Variants in GPHN observed in about 807,000 individuals in gnomAD.
GPHN encodes gephyrin.
In GPHN, 17 loss-of-function variants were observed where a neutral mutation model predicts 95.5. That is an observed-to-expected ratio of 0.18 (90% CI 0.12 to 0.27). The LOEUF is 0.27. GPHN is among the 10% of genes least tolerant of loss of function. The probability of loss-of-function intolerance (pLI) is 1.00; values close to 1 mark genes in which losing one functional copy is unlikely to be tolerated. For missense variants in GPHN, 660 were observed against 978.1 expected (o/e 0.67, Z 4.34); for synonymous variants, 320 against 322.5 (o/e 0.99, Z 0.08).
At chr14:67,167,703 A>T (rs7144993) in intron 20 of GPHN, among the ~76,000 whole-genome samples, 1 of 152,320 alleles carries the variant, frequency 6.6e-6, no homozygotes, top group South Asian at 2.1e-4. Context: ...TTATACATTC[A>T]TGCTTACATA....
At chr14:67,316,805 A>G in the GPHN span, 1 of 1,582,292 alleles carries the variant, frequency 6.3e-7, no homozygotes, top group Non-Finnish European at 8.6e-7. Flanking sequence ...TAAATATTTT[A>G]CCCTTCTTTT....
At chr14:66,661,927 T>C (rs1292996873) in intron 1 of GPHN, among the ~76,000 whole-genome samples, 1 of 152,052 alleles carries the variant, frequency 6.6e-6, no homozygotes, top group Non-Finnish European at 1.5e-5. Flanking sequence ...CCTTAAGCAG[T>C]CCCCGATCTA....
rs535587671 is a variant in GPHN at position 67,089,029 on chromosome 14, T to C, written c.1191T>C (p.Asn397=). The change falls in exon 12 of 23, where the codon AAT becomes AAC. Residue 397 remains asparagine, a synonymous_variant. Transcript: ENST00000478722. ...CTCAAGATGTATATGCAAAAGACAA[T>C]TTACCCCCCTTCCCAGCATCAGTAA... is the stretch of plus-strand genomic sequence containing the variant. ...VLAQDVYAKD[N]LPPFPASVKD... The C allele has an allele frequency of 6.2e-7, 1 of 1,606,610 alleles. No homozygotes were observed. Among genetic ancestry groups the C allele is most frequent in the Admixed American group, 1.7e-5 (1 of 59,968 alleles).
intron 16 of GPHN, 82 bp downstream of exon 16, chr14:67,113,253 A>T: frequency 8.2e-7 from 1 of 1,212,710 alleles, no homozygotes; most frequent in Middle Eastern, 2.0e-4. Context: ...TGTTGTAAAT[A>T]GAATGTTGTA....
chr14:67,569,448 G>A, the GPHN span, among the ~76,000 whole-genome samples: 1 of 152,244 alleles, frequency 6.6e-6, no homozygotes, highest in Non-Finnish European at 1.5e-5. Context: ...AGAGCTGGAA[G>A]GGATCTGAGA....
At chr14:66,529,949 C>G (rs185470413) in intron 1 of GPHN, among the ~76,000 whole-genome samples, 49 of 152,336 alleles carry the variant, frequency 3.2e-4, no homozygotes, top group Non-Finnish European at 6.2e-4. Context: ...TTGAGGCCGT[C>G]TGTCCCTTAG....
At chr14:67,027,458 G>A (rs1032109900) in intron 10 of GPHN, among the ~76,000 whole-genome samples, 2 of 152,046 alleles carry the variant, frequency 1.3e-5, no homozygotes, top group Non-Finnish European at 2.9e-5. Flanking sequence ...AGCCTCCTGA[G>A]TAGCTGGGAC....
At chr14:67,109,183 T>G (rs983755467) in intron 13 of GPHN, among the ~76,000 whole-genome samples, 1 of 152,224 alleles carries the variant, frequency 6.6e-6, no homozygotes, top group Non-Finnish European at 1.5e-5. Flanking sequence ...CCATCATATA[T>G]GCAGTCCAAC....
At chr14:66,748,852 A>G (rs1014694140) in intron 2 of GPHN, among the ~76,000 whole-genome samples, 47 of 151,994 alleles carry the variant, frequency 3.1e-4, no homozygotes, top group African/African-American at 1.1e-3. Context: ...AAAGATGTCA[A>G]GTGTGGAATT....
At chr14:67,424,687 T>C in the GPHN span, among the ~76,000 whole-genome samples, 6 of 151,860 alleles carry the variant, frequency 4.0e-5, no homozygotes, top group South Asian at 1.3e-3. Flanking sequence ...CATCCGGCAT[T>C]CTCCCTGGTC....
At chr14:67,606,484 C>T in the GPHN span, among the ~76,000 whole-genome samples, 2 of 152,124 alleles carry the variant, frequency 1.3e-5, no homozygotes, top group African/African-American at 4.8e-5. Flanking sequence ...ATAGGTTTTA[C>T]AAATAGATTC....
At chr14:67,583,484 G>A in the GPHN span, among the ~76,000 whole-genome samples, 33 of 152,304 alleles carry the variant, frequency 2.2e-4, no homozygotes, top group African/African-American at 7.2e-4. Context: ...CCAATTAACT[G>A]TGTCTTTGGA....
downstream of GPHN, among the ~76,000 whole-genome samples, chr14:67,185,320 T>C (rs1232237619): frequency 2.0e-5 from 3 of 152,104 alleles, no homozygotes; most frequent in Non-Finnish European, 4.4e-5. Context: ...CCAATGTGGC[T>C]GGGAAAGAAA....
chr14:66,934,132 C>G (rs1472060350), intron 8 of GPHN, among the ~76,000 whole-genome samples: 1 of 120,626 alleles, frequency 8.3e-6, no homozygotes, highest in Non-Finnish European at 1.5e-5. Flanking sequence ...GAGCAAGACT[C>G]TGTCTCAAAA....
At chr14:67,360,032 G>C in the GPHN span, 1 of 502,494 alleles carries the variant, frequency 2.0e-6, no homozygotes, top group African/African-American at 2.0e-5. Context: ...CAAAGACTAG[G>C]AGCGAAGCGT....
chr14:67,316,977 T>C, the GPHN span: 4 of 1,184,992 alleles, frequency 3.4e-6, no homozygotes, highest in South Asian at 5.5e-5. Flanking sequence ...AATCTGCATA[T>C]TAGAACCGTG....
At chr14:67,348,270 C>A in the GPHN span, among the ~76,000 whole-genome samples, 1 of 151,854 alleles carries the variant, frequency 6.6e-6, no homozygotes, top group African/African-American at 2.4e-5. Flanking sequence ...GACAGGATTT[C>A]TCCATATTAG....
At chr14:67,260,451 A>T in the GPHN span, among the ~76,000 whole-genome samples, 1 of 152,246 alleles carries the variant, frequency 6.6e-6, no homozygotes, top group Non-Finnish European at 1.5e-5. Context: ...CTCATCAAAT[A>T]TGAGTTAACA....
At chr14:66,706,927 A>T (rs1486596524) in intron 2 of GPHN, among the ~76,000 whole-genome samples, 1 of 152,220 alleles carries the variant, frequency 6.6e-6, no homozygotes, top group African/African-American at 2.4e-5. Context: ...ACAAAGGTCT[A>T]ATATCCAGAA....
Sources: gnomAD v4.1 joint callset for allele counts (sites outside exome capture counted in the v4.1 genomes callset) on GRCh38, gnomAD v4.1.1 for gene constraint, MANE v1.5 for transcripts, NCBI Gene and HGNC (gene_info 2026-07-23, HGNC 2026-07-21) for gene names.